Variants in PALD1 observed in about 807,000 individuals in gnomAD.
PALD1 encodes the protein phosphatase domain containing paladin 1.
In PALD1, 57 loss-of-function variants were observed where a neutral mutation model predicts 96.0. The observed-to-expected ratio is 0.59, with a 90% CI of 0.48 to 0.74. PALD1 has a LOEUF of 0.74. Among genes scored for constraint, PALD1 ranks in the 30% least tolerant of loss-of-function variants. PALD1 has a pLI of 0.00. For missense variants in PALD1, 1,063 were observed against 1,143.7 expected (o/e 0.93, Z 1.02); for synonymous variants, 464 against 473.6 (o/e 0.98, Z 0.26).
rs1192092171 is a variant in PALD1, at chr10:70,519,573, C to CT, written c.-29-6333dup. 8.9e-3 allele frequency among the ~76,000 whole-genome samples: 1,195 copies of CT among 133,654 alleles called. 22 individuals are homozygous for CT. Among genetic ancestry groups the CT allele is most frequent in the East Asian group, 0.052 (243 of 4,676 alleles). 87.7% of individuals were successfully genotyped at this position (133,654 alleles called of 152,430 possible). ...CTTGGGGATTAGGATTTCTTTCTTT[C>CT]TTTTTTTTTTTTTTTTTGTGAGACG... On this transcript the variant is annotated intron_variant, in intron 1 of 19. Transcript: ENST00000263563.
At chr10:70,549,421 G>T (rs1847433522) in intron 18 of PALD1, among the ~76,000 whole-genome samples, 2 of 152,358 alleles carry the variant, frequency 1.3e-5, no homozygotes, top group South Asian at 4.1e-4. Context: ...GACTCCTGAA[G>T]CTGATAGGCC....
At chr10:70,556,306 C>G (rs556745150) in intron 18 of PALD1, among the ~76,000 whole-genome samples, 1 of 137,366 alleles carries the variant, frequency 7.3e-6, no homozygotes, top group South Asian at 2.2e-4. Context: ...CTCTCTCTCT[C>G]TGTCTCTGTC....
rs939908189 is a variant in PALD1 at position 70,516,174 on chromosome 10, A to G, written c.-29-9749A>G. On this transcript the variant is annotated intron_variant, in intron 1 of 19. Transcript: ENST00000263563. ...GAGATGGAGTCTCGTTCTGTTGCCC[A>G]GGCTGGAGTGCAGTGGTGCGATCTC... Among the ~76,000 whole-genome samples, 8 of 152,198 alleles carry G rather than the reference A, an allele frequency of 5.3e-5. No homozygotes were observed. The South Asian group carries it at 1.7e-3, about 32-fold the overall frequency.
chr10:70,537,742 T>A, intron 10 of PALD1, 69 bp from the exon 11 acceptor site: 1 of 1,053,412 alleles, frequency 9.5e-7, no homozygotes, highest in Non-Finnish European at 1.5e-6. Context: ...ACTCCTGCCC[T>A]TGCAGGGATG....
chr10:70,461,807 T>G, the PALD1 span, among the ~76,000 whole-genome samples: 1,201 of 152,276 alleles, frequency 7.9e-3, 18 homozygotes, highest in African/African-American at 0.027. Flanking sequence ...TTGTTTTCAT[T>G]TTTGAGGCAG....
intron 1 of PALD1, among the ~76,000 whole-genome samples, chr10:70,484,244 C>T (rs1845980048): frequency 1.3e-5 from 2 of 152,198 alleles, no homozygotes; most frequent in African/African-American, 4.8e-5. Context: ...CTCAGGTGAT[C>T]TGCCTGCCTT....
intron 1 of PALD1, among the ~76,000 whole-genome samples, chr10:70,500,426 C>A (rs1009123472): frequency 6.6e-6 from 1 of 152,172 alleles, no homozygotes; most frequent in Non-Finnish European, 1.5e-5. Flanking sequence ...GACTGGGGTT[C>A]GGCCTACCCC....
intron 18 of PALD1, among the ~76,000 whole-genome samples, chr10:70,563,413 T>TCTCTTTAATTGGCTTTG (rs1433692927): frequency 6.6e-6 from 1 of 152,206 alleles, no homozygotes; most frequent in Non-Finnish European, 1.5e-5. Context: ...CTGGGAAATC[T>TCTCTTTAATTGGCTTTG]CTCTTTAATT....
chr10:70,462,248 T>C, the PALD1 span, among the ~76,000 whole-genome samples: 5 of 152,242 alleles, frequency 3.3e-5, no homozygotes, highest in Non-Finnish European at 5.9e-5. Flanking sequence ...GTGGAGAGAC[T>C]GCTCCTGGAA....
chr10:70,504,189 A>G (rs1195094098), intron 1 of PALD1, among the ~76,000 whole-genome samples: 1 of 152,264 alleles, frequency 6.6e-6, no homozygotes, highest in African/African-American at 2.4e-5. Context: ...TTGTATACAT[A>G]TATCAATAGC....
At chr10:70,554,655 A>T (rs569874116) in intron 18 of PALD1, among the ~76,000 whole-genome samples, 1 of 152,050 alleles carries the variant, frequency 6.6e-6, no homozygotes, top group Non-Finnish European at 1.5e-5. Context: ...AAGTCAGGGC[A>T]CCTGGAGGAA....
rs1271090891 is a variant in PALD1 at position 70,540,417 on chromosome 10, A to G, written c.1908+655A>G. On this transcript the variant is annotated intron_variant, in intron 15 of 19. Coordinates refer to ENST00000263563, the MANE Select transcript of PALD1 (RefSeq NM_014431.3). This position sits in a 1 kb window ranked among gnomAD's most constrained non-coding sequence, Gnocchi z 4.2. ...TAGGGTTTGTGGAGGGGTCGTTAGG[A>G]ATGTGTGTGTGTGGCATCTGTAGGT... Among the ~76,000 whole-genome samples the G allele has an allele frequency of 1.3e-5, 2 of 150,726 alleles. No individual in the cohort carries two copies. Among genetic ancestry groups the G allele is most frequent in the Non-Finnish European group, 3.0e-5 (2 of 67,640 alleles).
At chr10:70,534,616 C>G (rs1316203252) in intron 9 of PALD1, 92 bp downstream of exon 9, 9 of 1,134,128 alleles carry the variant, frequency 7.9e-6, no homozygotes, top group Non-Finnish European at 1.2e-5. Context: ...TCCCGATACC[C>G]TCCCCTACCT....
chr10:70,545,629 G>A (rs1847346590), intron 17 of PALD1, among the ~76,000 whole-genome samples: 1 of 151,852 alleles, frequency 6.6e-6, no homozygotes, highest in African/African-American at 2.4e-5. Flanking sequence ...TCAGAGATGG[G>A]GTCTCACTAT....
intron 1 of PALD1, among the ~76,000 whole-genome samples, chr10:70,508,955 A>C (rs577687936): frequency 6.8e-6 from 1 of 147,838 alleles, no homozygotes; most frequent in African/African-American, 2.5e-5. Context: ...TGTGCTCTGC[A>C]CCCACAGTAG....
At chr10:70,548,769 T>C (rs1314839607) in intron 18 of PALD1, among the ~76,000 whole-genome samples, 1 of 152,178 alleles carries the variant, frequency 6.6e-6, no homozygotes, top group African/African-American at 2.4e-5. Context: ...AAATGACTGA[T>C]TGGGCCCAGC....
chr10:70,532,333 C>G (rs147480412), intron 5 of PALD1, among the ~76,000 whole-genome samples: 161 of 152,358 alleles, frequency 1.1e-3, no homozygotes, highest in Middle Eastern at 3.4e-3. Context: ...CCCCTCGGCT[C>G]CAGCTCCCAG....
the PALD1 span, among the ~76,000 whole-genome samples, chr10:70,467,243 C>A: frequency 3.3e-5 from 5 of 152,038 alleles, no homozygotes; most frequent in African/African-American, 4.8e-5. Context: ...GTTAGAATCA[C>A]AGTTAAGGCC....
chr10:70,462,776 G>T, the PALD1 span, among the ~76,000 whole-genome samples: 2 of 152,194 alleles, frequency 1.3e-5, no homozygotes, highest in Non-Finnish European at 2.9e-5. Context: ...GGGCCTGCAG[G>T]CGGGGACAGT....
Sources: gnomAD v4.1 joint callset for allele counts (sites outside exome capture counted in the v4.1 genomes callset) on GRCh38, gnomAD v4.1.1 for gene constraint, Gnocchi (gnomAD v3.1) non-coding constraint, MANE v1.5 for transcripts, NCBI Gene and HGNC (gene_info 2026-07-23, HGNC 2026-07-21) for gene names.